The following FAM135B variants were observed in gnomAD, a reference collection of about 807,000 sequenced individuals.
FAM135B encodes protein FAM135B.
FAM135B carries 43 observed loss-of-function variants against 127.7 expected under a neutral mutation model. The ratio of observed to expected loss-of-function variants is 0.34; its 90% CI spans 0.26 to 0.43. The LOEUF (loss-of-function observed/expected upper bound fraction) is 0.43. FAM135B is among the 20% of genes least tolerant of loss of function. The pLI is 1.00. For synonymous variants in FAM135B, 670 were observed against 665.1 expected, an observed-to-expected ratio of 1.01 and a Z score of -0.11; for missense variants, 1,558 against 1,725.6, an observed-to-expected ratio of 0.90 and a Z score of 1.72.
intron 1 of FAM135B, among the ~76,000 whole-genome samples, chr8:138,488,295 T>A (rs1815063485): frequency 6.6e-6 from 1 of 150,620 alleles, no homozygotes; most frequent in African/African-American, 2.5e-5. Context: ...ATTCTAAGGG[T>A]TTTGTGCAGC....
intron 1 of FAM135B, among the ~76,000 whole-genome samples, chr8:138,385,854 T>C (rs192815178): frequency 6.6e-6 from 1 of 152,080 alleles, no homozygotes; most frequent in Non-Finnish European, 1.5e-5. Flanking sequence ...AAAGGACACA[T>C]AGAAGGAAAC....
chr8:138,257,158 A>G (rs1319228437), intron 4 of FAM135B, among the ~76,000 whole-genome samples: 1 of 152,164 alleles, frequency 6.6e-6, no homozygotes, highest in Non-Finnish European at 1.5e-5. Context: ...CCACTTGGCT[A>G]GCAATGGGAT....
At chr8:138,368,083 A>T in intron 1 of FAM135B, 81 bp from the exon 2 acceptor site, 1 of 945,144 alleles carries the variant, frequency 1.1e-6, no homozygotes, top group East Asian at 2.4e-5. Context: ...CAGGAAACCA[A>T]TCTGACCAAC....
chr8:138,220,209 G>A (rs1449852593), intron 7 of FAM135B, among the ~76,000 whole-genome samples: 1 of 152,138 alleles, frequency 6.6e-6, no homozygotes, highest in African/African-American at 2.4e-5. Context: ...GCCAAAAGGT[G>A]ACAGTATTTC....
intron 1 of FAM135B, among the ~76,000 whole-genome samples, chr8:138,422,583 G>A (rs1834575189): frequency 6.6e-6 from 1 of 152,004 alleles, no homozygotes; most frequent in Admixed American, 6.6e-5. Context: ...ACACCAGTCA[G>A]AATGGCTACA....
intron 1 of FAM135B, among the ~76,000 whole-genome samples, chr8:138,408,617 T>G (rs1042144320): frequency 6.6e-6 from 1 of 152,278 alleles, no homozygotes; most frequent in Admixed American, 6.5e-5. Flanking sequence ...ACTCACAGTC[T>G]TGCATGGCTG....
intron 6 of FAM135B, among the ~76,000 whole-genome samples, chr8:138,250,214 G>A (rs530217436): frequency 5.3e-5 from 8 of 152,078 alleles, no homozygotes; most frequent in Non-Finnish European, 7.4e-5. Context: ...TTAGCTGGGC[G>A]TGGTGGCGGG....
intron 1 of FAM135B, among the ~76,000 whole-genome samples, chr8:138,494,231 C>G (rs1815301862): frequency 6.6e-6 from 1 of 152,242 alleles, no homozygotes; most frequent in South Asian, 2.1e-4. Context: ...CAAAAGCAGC[C>G]AGGAATGGCC....
At chr8:138,383,303 T>C (rs1488259123) in intron 1 of FAM135B, among the ~76,000 whole-genome samples, 1 of 152,226 alleles carries the variant, frequency 6.6e-6, no homozygotes, top group Non-Finnish European at 1.5e-5. Context: ...TGTGTATTTC[T>C]GTGCAAACTG....
At chr8:138,419,756 G>A (rs1834378856) in intron 1 of FAM135B, among the ~76,000 whole-genome samples, 1 of 152,090 alleles carries the variant, frequency 6.6e-6, no homozygotes, top group Admixed American at 6.5e-5. Context: ...TAACTTTTGG[G>A]TAAAGAATGA....
At chr8:138,408,827 T>G (rs538099003) in intron 1 of FAM135B, among the ~76,000 whole-genome samples, 1 of 152,186 alleles carries the variant, frequency 6.6e-6, no homozygotes, top group African/African-American at 2.4e-5. Context: ...ACCAGGTCCC[T>G]CTCTTGACAC....
chr8:138,204,327 C>T (rs567961447), intron 7 of FAM135B, among the ~76,000 whole-genome samples: 3 of 152,342 alleles, frequency 2.0e-5, no homozygotes, highest in African/African-American at 7.2e-5. Context: ...CTCCAATCAT[C>T]CCCTCCTCAT....
At chr8:138,261,412 G>A (rs1027252772) in intron 4 of FAM135B, among the ~76,000 whole-genome samples, 1 of 152,080 alleles carries the variant, frequency 6.6e-6, no homozygotes. Context: ...CTTCTTCTTT[G>A]CTTTGCCTGC....
chr8:138,446,610 AG>A (rs1168879118), intron 1 of FAM135B, among the ~76,000 whole-genome samples: 1 of 152,208 alleles, frequency 6.6e-6, no homozygotes, highest in Non-Finnish European at 1.5e-5. Flanking sequence ...ATATGTAGAA[AG>A]CTGAAACTGG....
At chr8:138,253,799 AC>A (rs1563824190) in intron 5 of FAM135B, among the ~76,000 whole-genome samples, 1 of 152,126 alleles carries the variant, frequency 6.6e-6, no homozygotes. Flanking sequence ...ACCCAGACTT[AC>A]CTGATGCTAA....
At position 138,197,595 on chromosome 8, in the gene FAM135B, G is replaced by T. The variant is rs372056943; in HGVS notation, c.744C>A (p.Leu248=). 6.2e-7 allele frequency: 1 copy of T among 1,614,160 alleles called. No homozygotes were observed. Among genetic ancestry groups the T allele is most frequent in the Non-Finnish European group, 8.5e-7 (1 of 1,180,030 alleles). Residue 248 remains leucine, a synonymous_variant, in exon 8 of 20, where the codon CTC becomes CTA. Transcript: ENST00000395297. ...HKWHRDLCLL[L]LHAYRGLRLH... is the part of the protein sequence containing the mutation. ...GACGGAGACCCCGGTAAGCGTGGAG[G>T]AGCAACAGGCACAGGTCTCGGTGCC...
At chr8:138,373,413 A>G (rs375380372) in intron 1 of FAM135B, among the ~76,000 whole-genome samples, 11 of 150,332 alleles carry the variant, frequency 7.3e-5, no homozygotes, top group African/African-American at 2.5e-4. Flanking sequence ...CTTTACTTTA[A>G]TCTCTTAATC....
At chr8:138,377,586 C>T (rs1831564781) in intron 1 of FAM135B, among the ~76,000 whole-genome samples, 1 of 152,158 alleles carries the variant, frequency 6.6e-6, no homozygotes, top group Admixed American at 6.5e-5. Flanking sequence ...AACCCACTCC[C>T]TCCATAACAC....
rs569108761 is a variant in FAM135B, at chr8:138,363,314, G to A, written c.77+4593C>T. On this transcript the variant is annotated intron_variant, in intron 2 of 19. Transcript: ENST00000395297. ...TTCTCTGCCTATATTAATTAATGCCGTAAACTTTCAGATTGCCCCACAAGA... is the reference window on the plus strand; with the variant it reads ...TTCTCTGCCTATATTAATTAATGCCATAAACTTTCAGATTGCCCCACAAGA... 7.9e-5 allele frequency among the ~76,000 whole-genome samples: 12 copies of A among 152,200 alleles called. No individual in the cohort carries two copies. In the South Asian group the frequency reaches 1.0e-3, roughly 13 times the overall value.
Sources: allele counts gnomAD v4.1 joint callset (sites outside exome capture counted in the v4.1 genomes callset), GRCh38; gene constraint gnomAD v4.1.1; transcripts MANE v1.5; gene names NCBI Gene and HGNC (gene_info 2026-07-23, HGNC 2026-07-21).